Variants in DAB1 observed in about 807,000 individuals in gnomAD.
The protein encoded by DAB1 is disabled homolog 1.
Under a neutral mutation model 64.6 loss-of-function variants are expected in DAB1, and 15 were observed. The ratio of observed to expected loss-of-function variants is 0.23; its 90% CI spans 0.16 to 0.36. The LOEUF (loss-of-function observed/expected upper bound fraction) is 0.36. Ranked by LOEUF, DAB1 falls within the 10% of genes least tolerant of loss-of-function variation. The pLI, the probability that DAB1 is intolerant of heterozygous loss-of-function variation, is 1.00. For synonymous variants in DAB1, 235 were observed against 251.9 expected, an observed-to-expected ratio of 0.93 and a Z score of 0.64; for missense variants, 596 against 706.7, an observed-to-expected ratio of 0.84 and a Z score of 1.78.
At chr1:57,533,350 C>A (rs1227305655) in intron 7 of DAB1, among the ~76,000 whole-genome samples, 1 of 151,160 alleles carries the variant, frequency 6.6e-6, no homozygotes, top group Admixed American at 6.6e-5. Flanking sequence ...TCCTACAACA[C>A]CTGGCATAAT....
At chr1:57,691,451 C>G (rs963714668) in intron 6 of DAB1, among the ~76,000 whole-genome samples, 5 of 152,130 alleles carry the variant, frequency 3.3e-5, no homozygotes, top group African/African-American at 9.7e-5. Context: ...CCACCCGAGA[C>G]AGCAGCGGCA....
intron 3 of DAB1, among the ~76,000 whole-genome samples, chr1:58,418,889 C>T (rs979208359): frequency 1.3e-5 from 2 of 152,126 alleles, no homozygotes; most frequent in Non-Finnish European, 2.9e-5. Flanking sequence ...GACAATTGCC[C>T]CCAGTCTTTT....
intron 2 of DAB1, among the ~76,000 whole-genome samples, chr1:57,164,229 C>T (rs1462611878): frequency 6.6e-6 from 1 of 152,096 alleles, no homozygotes; most frequent in Non-Finnish European, 1.5e-5. Flanking sequence ...TATGTCAATG[C>T]TGAAAAACCA....
intron 3 of DAB1, among the ~76,000 whole-genome samples, chr1:58,388,466 C>T (rs1644451416): frequency 6.6e-6 from 1 of 152,198 alleles, no homozygotes; most frequent in South Asian, 2.1e-4. Flanking sequence ...GCCTGGAGTG[C>T]AGCCTTGATG....
At chr1:57,871,484 A>G (rs1643948887) in intron 1 of DAB1, among the ~76,000 whole-genome samples, 1 of 152,182 alleles carries the variant, frequency 6.6e-6, no homozygotes, top group Non-Finnish European at 1.5e-5. Context: ...TATTTAAACC[A>G]GGTCATCTGA....
intron 6 of DAB1, among the ~76,000 whole-genome samples, chr1:57,665,597 C>A (rs1646436652): frequency 6.6e-6 from 1 of 152,096 alleles, no homozygotes; most frequent in South Asian, 2.1e-4. Flanking sequence ...TTGGAAACAA[C>A]TTAAATGCCT....
At chr1:58,379,041 C>G (rs922808358) in intron 3 of DAB1, among the ~76,000 whole-genome samples, 1 of 146,140 alleles carries the variant, frequency 6.8e-6, no homozygotes, top group Non-Finnish European at 1.5e-5. Context: ...CTTCGGCTCG[C>G]GCATGGTGCG....
Position 57,228,633 on chromosome 1 carries a change from TTATATGGA to T in DAB1, c.67+62323_67+62330del, listed in dbSNP as rs368148629. ...GAAACACTCATACCCTGCTGGTGGGTTATATGGATTGGAAAATCCACTTTAAAATATAA... is the reference window on the plus strand; with the variant it reads ...GAAACACTCATACCCTGCTGGTGGGTTTGGAAAATCCACTTTAAAATATAA... On this transcript the variant is annotated intron_variant, in intron 2 of 14. Transcript: ENST00000371236. 1.6e-3 allele frequency among the ~76,000 whole-genome samples: 243 copies of T among 152,266 alleles called. 2 individuals carry two copies. Among genetic ancestry groups the T allele is most frequent in the African/African-American group, 5.4e-3 (225 of 41,550 alleles).
intron 1 of DAB1, among the ~76,000 whole-genome samples, chr1:58,530,330 C>T (rs955537197): frequency 3.3e-5 from 5 of 152,074 alleles, no homozygotes; most frequent in African/African-American, 1.2e-4. Context: ...TCTGTAAAAC[C>T]AATAAATATA....
In DAB1 at chr1:57,176,545, G is replaced by A. The variant is rs1569756195; in HGVS notation, c.68-31116C>T. Among the ~76,000 whole-genome samples, 4 of 152,226 alleles carry A rather than the reference G, an allele frequency of 2.6e-5. 1 individual carries two copies. Among genetic ancestry groups the A allele is most frequent in the Admixed American group, 2.6e-4 (4 of 15,290 alleles). On this transcript the variant is annotated intron_variant, in intron 2 of 14. Coordinates refer to ENST00000371236, the MANE Select transcript of DAB1 (RefSeq NM_001365792.1). Reference sequence around the variant, plus strand: ...AAGATGAGATTTGGGTGGGGACACAGCCAAACTGAATCATATATTAAACGA... The same window carrying A: ...AAGATGAGATTTGGGTGGGGACACAACCAAACTGAATCATATATTAAACGA...
chr1:57,914,817 C>T (rs1410819952), intron 5 of DAB1, among the ~76,000 whole-genome samples: 1 of 152,062 alleles, frequency 6.6e-6, no homozygotes, highest in Non-Finnish European at 1.5e-5. Context: ...ATAAATGATT[C>T]CCAAAGTATG....
chr1:57,693,532 T>A (rs887816296), intron 6 of DAB1, among the ~76,000 whole-genome samples: 15 of 152,252 alleles, frequency 9.9e-5, no homozygotes, highest in Admixed American at 2.0e-4. Flanking sequence ...ATCAGCAGGA[T>A]GTGGGTGGGG....
intron 3 of DAB1, among the ~76,000 whole-genome samples, chr1:58,489,170 G>T (rs1238621161): frequency 6.6e-6 from 1 of 152,198 alleles, no homozygotes; most frequent in Non-Finnish European, 1.5e-5. Context: ...AAGTGCAACG[G>T]GTCAGGGAAT....
At chr1:58,371,068 C>A (rs989805916) in intron 3 of DAB1, among the ~76,000 whole-genome samples, 5 of 152,122 alleles carry the variant, frequency 3.3e-5, no homozygotes, top group African/African-American at 1.2e-4. Context: ...GAGGATGGAA[C>A]AGTTTGGAAG....
chr1:57,418,096 T>C (rs1194439752), intron 1 of DAB1, among the ~76,000 whole-genome samples: 9 of 152,152 alleles, frequency 5.9e-5, no homozygotes, highest in Non-Finnish European at 1.3e-4. Context: ...AACTGTGCAA[T>C]TGCATCTTGG....
At position 58,111,445 on chromosome 1, in the gene DAB1, A is replaced by C. The variant is rs971520111; in HGVS notation, n.387+39066T>G. ...ATTACTGAGTTTTCTAGAGCCTTGA[A>C]TATGCTATTTGCTCATGATCCCTCT... On this transcript the variant is annotated intron_variant and non_coding_transcript_variant, in intron 5 of 20. Coordinates refer to the DAB1 transcript ENST00000485760. Among the ~76,000 whole-genome samples, 11 of 152,346 alleles carry C rather than the reference A, an allele frequency of 7.2e-5. 1 individual carries two copies. The highest frequency in any genetic ancestry group is 3.4e-3 in the Middle Eastern group (1 of 294).
intron 5 of DAB1, among the ~76,000 whole-genome samples, chr1:57,991,988 A>C (rs1028901403): frequency 1.3e-5 from 2 of 152,114 alleles, no homozygotes; most frequent in Non-Finnish European, 2.9e-5. Context: ...AAGCAGACGC[A>C]GAGACACAGC....
chr1:58,495,439 T>C (rs188979513), intron 3 of DAB1, among the ~76,000 whole-genome samples: 3 of 152,074 alleles, frequency 2.0e-5, no homozygotes, highest in Admixed American at 2.0e-4. Context: ...AATACATTCC[T>C]TTTTTTAGGA....
chr1:57,660,237 T>C (rs144553226), intron 6 of DAB1, among the ~76,000 whole-genome samples: 125 of 152,278 alleles, frequency 8.2e-4, no homozygotes, highest in African/African-American at 2.7e-3. Context: ...CTAAGAACTA[T>C]GCTAAGGACT....
Sources: allele counts gnomAD v4.1 joint callset (sites outside exome capture counted in the v4.1 genomes callset), GRCh38; gene constraint gnomAD v4.1.1; transcripts MANE v1.5; gene names NCBI Gene and HGNC (gene_info 2026-07-23, HGNC 2026-07-21).